SBF2: variants seen among roughly 807,000 people sequenced by gnomAD.
SBF2 encodes SET binding factor 2.
In SBF2, 112 loss-of-function variants were observed where a neutral mutation model predicts 225.2. The observed-to-expected ratio is 0.50, with a 90% confidence interval of 0.43 to 0.58. The LOEUF (loss-of-function observed/expected upper bound fraction) is 0.58. Ranked by LOEUF, SBF2 falls within the 20% of genes least tolerant of loss-of-function variation. The pLI, the probability that SBF2 is intolerant of heterozygous loss-of-function variation, is 0.00. For synonymous variants in SBF2, 763 were observed against 773.3 expected (o/e 0.99, Z 0.22); for missense variants, 1,996 against 2,206.2 (o/e 0.90, Z 1.91).
chr11:9,924,669 C>T (rs548157284), intron 16 of SBF2, among the ~76,000 whole-genome samples: 158 of 152,188 alleles, frequency 1.0e-3, no homozygotes, highest in Middle Eastern at 3.4e-3. Flanking sequence ...TGACCTCAGG[C>T]GATCCACCCC....
chr11:9,848,268 T>C (rs77393828), intron 22 of SBF2, among the ~76,000 whole-genome samples: 12,132 of 152,258 alleles, frequency 0.08, 564 homozygotes, highest in East Asian at 0.15. Context: ...AGGATGTACA[T>C]AGGATTTAAG....
intron 3 of SBF2, among the ~76,000 whole-genome samples, chr11:10,036,086 A>G (rs1221535611): frequency 6.6e-6 from 1 of 152,218 alleles, no homozygotes; most frequent in African/African-American, 2.4e-5. Context: ...CAGCCATAAA[A>G]AAGGATGAGT....
At chr11:9,936,796 C>T (rs1168686866) in intron 16 of SBF2, among the ~76,000 whole-genome samples, 1 of 152,052 alleles carries the variant, frequency 6.6e-6, no homozygotes, top group Non-Finnish European at 1.5e-5. Flanking sequence ...ACACTGGGGC[C>T]TGTCAGGGGT....
At chr11:10,209,341 T>A (rs185199006) in intron 1 of SBF2, among the ~76,000 whole-genome samples, 25 of 151,742 alleles carry the variant, frequency 1.6e-4, no homozygotes, top group Admixed American at 1.2e-3. Flanking sequence ...TAACTTCCTA[T>A]CTGCAACTCA....
intron 2 of SBF2, among the ~76,000 whole-genome samples, chr11:10,068,591 T>C (rs190866926): frequency 3.6e-4 from 55 of 152,312 alleles, no homozygotes; most frequent in African/African-American, 1.3e-3. Flanking sequence ...GAAAATACTG[T>C]GATATACCTT....
In SBF2 at chr11:9,856,807, A is replaced by C; in HGVS notation, c.2101-87T>G. The stretch of plus-strand genomic sequence containing the variant: ...TAGATTTTTTTTTTTTTTTTTTTTG[A>C]GACGGAGTCTCGCTCTGTCACCCAG... On this transcript the variant is annotated intron_variant, in intron 18 of 39. Transcript: ENST00000256190. The C allele has an allele frequency of 3.7e-6, 4 of 1,088,352 alleles. No individual in the cohort carries two copies. In the South Asian group the frequency reaches 5.6e-5, roughly 15 times the overall value. The allele number at this position is 1,088,352 out of a possible 1,614,324, so 67.4% of individuals were successfully genotyped here. A position where few individuals can be genotyped will look rare whatever the true frequency, so the allele number is the denominator to read the frequency against.
At chr11:9,892,519 A>G (rs1860912395) in intron 17 of SBF2, among the ~76,000 whole-genome samples, 1 of 151,242 alleles carries the variant, frequency 6.6e-6, no homozygotes, top group Non-Finnish European at 1.5e-5. Flanking sequence ...TTTACTTTGC[A>G]TTTTGTTCCT....
At chr11:10,066,860 G>T (rs916445080) in intron 2 of SBF2, among the ~76,000 whole-genome samples, 2 of 152,148 alleles carry the variant, frequency 1.3e-5, no homozygotes, top group African/African-American at 2.4e-5. Flanking sequence ...AGAGTGTCTA[G>T]AACAAATAAG....
At chr11:10,144,027 G>A (rs1324858699) in intron 2 of SBF2, among the ~76,000 whole-genome samples, 6 of 152,112 alleles carry the variant, frequency 3.9e-5, no homozygotes, top group Admixed American at 3.3e-4. Flanking sequence ...CCCAACAACT[G>A]AGTTTTGACA....
At chr11:10,092,356 AAC>A (rs1951818146) in intron 2 of SBF2, among the ~76,000 whole-genome samples, 1 of 152,152 alleles carries the variant, frequency 6.6e-6, no homozygotes, top group East Asian at 1.9e-4. Flanking sequence ...TTAGTTTTAA[AAC>A]ATTTTACCCT....
intron 6 of SBF2, among the ~76,000 whole-genome samples, chr11:10,015,032 G>A (rs984810325): frequency 1.3e-5 from 2 of 152,118 alleles, no homozygotes; most frequent in Admixed American, 6.5e-5. Flanking sequence ...TTGGGTGGAC[G>A]CTGACGTAGG....
chr11:9,804,024 G>A (rs1250207976), intron 32 of SBF2, among the ~76,000 whole-genome samples: 3 of 152,076 alleles, frequency 2.0e-5, no homozygotes, highest in Non-Finnish European at 4.4e-5. Flanking sequence ...GGCTATCGTG[G>A]GACTAGCTGG....
intron 24 of SBF2, 22 bp from the exon 25 acceptor site, chr11:9,842,792 A>T (rs1372650229): frequency 1.2e-6 from 2 of 1,613,270 alleles, no homozygotes; most frequent in Non-Finnish European, 8.5e-7. Flanking sequence ...AAAACCAAAG[A>T]GAATGTCAAC....
intron 22 of SBF2, 75 bp from the exon 23 acceptor site, chr11:9,847,158 T>A (rs1279265393): frequency 1.2e-5 from 19 of 1,554,504 alleles, no homozygotes; most frequent in Non-Finnish European, 1.7e-5. Context: ...GCTTACTTCA[T>A]CAGTCTCTGC....
intron 17 of SBF2, among the ~76,000 whole-genome samples, chr11:9,888,466 T>C (rs532349404): frequency 6.6e-6 from 1 of 151,564 alleles, no homozygotes; most frequent in South Asian, 2.1e-4. Flanking sequence ...ATGGCATCAC[T>C]GTACTCCAGC....
chr11:10,022,900 C>T (rs969262767), intron 6 of SBF2, among the ~76,000 whole-genome samples: 2 of 152,076 alleles, frequency 1.3e-5, no homozygotes, highest in Admixed American at 6.6e-5. Context: ...CCTCTATTTT[C>T]TACATTTTCT....
intron 13 of SBF2, among the ~76,000 whole-genome samples, chr11:9,987,395 A>G (rs954949533): frequency 7.9e-5 from 12 of 152,192 alleles, no homozygotes; most frequent in Admixed American, 7.2e-4. Flanking sequence ...CCTTTTCAAC[A>G]TAGTACTGGA....
In SBF2 at chr11:9,796,871, G is replaced by A. The variant is rs181453818; in HGVS notation, c.4444-914C>T. Among the ~76,000 whole-genome samples the A allele has an allele frequency of 5.3e-3, 807 of 152,308 alleles. 43 individuals are homozygous for A. The highest frequency in any genetic ancestry group is 0.048 in the Admixed American group (739 of 15,292). ...GAGGCAGAAGGCTGGGCAAAGCTTGGAATGGTCATTGAGCTATAGCATGCT... is the reference window on the plus strand; with the variant it reads ...GAGGCAGAAGGCTGGGCAAAGCTTGAAATGGTCATTGAGCTATAGCATGCT... On this transcript the variant is annotated intron_variant, in intron 32 of 39. Transcript: ENST00000256190.
At chr11:10,112,405 G>C (rs1013732696) in intron 2 of SBF2, among the ~76,000 whole-genome samples, 1 of 152,166 alleles carries the variant, frequency 6.6e-6, no homozygotes, top group African/African-American at 2.4e-5. Context: ...GAGTTTCCTT[G>C]CACAAGCTCC....
Sources: allele counts gnomAD v4.1 joint callset (sites outside exome capture counted in the v4.1 genomes callset), GRCh38; gene constraint gnomAD v4.1.1; transcripts MANE v1.5; gene names NCBI Gene and HGNC (gene_info 2026-07-23, HGNC 2026-07-21).